AKR1C1: variants seen among roughly 807,000 people sequenced by gnomAD.
The protein encoded by AKR1C1 is aldo-keto reductase family 1 member C1.
AKR1C1 carries 32 observed loss-of-function variants against 40.6 expected under a neutral mutation model. The observed-to-expected ratio is 0.79, with a 90% CI of 0.60 to 1.06. AKR1C1 has a LOEUF of 1.06. Among genes scored for constraint, AKR1C1 ranks in the 50% least tolerant of loss-of-function variants. The pLI, the probability that AKR1C1 is intolerant of heterozygous loss-of-function variation, is 0.00. For missense variants in AKR1C1, 320 were observed against 363.5 expected (o/e 0.88, Z 0.97); for synonymous variants, 105 against 134.2 (o/e 0.78, Z 1.50).
chr10:4,973,687 G>A (rs1331904081), intron 7 of AKR1C1, among the ~76,000 whole-genome samples: 4 of 152,188 alleles, frequency 2.6e-5, no homozygotes, highest in Admixed American at 6.5e-5. Context: ...AACCAAGCAA[G>A]TGGATACAGG....
At position 4,981,270 on chromosome 10, in the gene AKR1C1, G is replaced by C. The variant is rs1328855608; in HGVS notation, c.*3528G>C. ...ATTAAATCTTAAGGACCCTAGGATT[G>C]TTAGAATAGTAAATGAACATCATAT... On this transcript the variant is annotated 3_prime_UTR_variant, in exon 9 of 9. Transcript: ENST00000380872. 4 of 152,212 alleles carry C rather than the reference G, an allele frequency of 2.6e-5. No individual in the cohort carries two copies. The highest frequency in any genetic ancestry group is 9.6e-5 in the African/African-American group (4 of 41,452). 9.4% of individuals were successfully genotyped at this position (152,212 alleles called of 1,614,324 possible). A position where few individuals can be genotyped will look rare whatever the true frequency, so the allele number is the denominator to read the frequency against.
intron 3 of AKR1C1, chr10:4,967,244 G>T: frequency 9.8e-7 from 1 of 1,015,572 alleles, no homozygotes; most frequent in Admixed American, 3.5e-5. Flanking sequence ...TATAAGAAAA[G>T]AAAGTGCAGA....
At chr10:4,966,449 G>C (rs1385068603) in intron 2 of AKR1C1, among the ~76,000 whole-genome samples, 1 of 152,190 alleles carries the variant, frequency 6.6e-6, no homozygotes, top group African/African-American at 2.4e-5. Context: ...ATCATAGAGA[G>C]AGAAAGCAAT....
chr10:4,971,950 C>T (rs1475942497), intron 5 of AKR1C1, among the ~76,000 whole-genome samples: 4 of 148,924 alleles, frequency 2.7e-5, no homozygotes, highest in East Asian at 3.9e-4. Flanking sequence ...GGCCGTGTCT[C>T]GTTCTAGTGG....
intron 7 of AKR1C1, among the ~76,000 whole-genome samples, chr10:4,975,549 G>C (rs1836514120): frequency 6.6e-6 from 1 of 152,070 alleles, no homozygotes; most frequent in Non-Finnish European, 1.5e-5. Flanking sequence ...GGTCTTCTAG[G>C]TACATGACCC....
chr10:4,977,427 T>A (rs1323282014), intron 8 of AKR1C1, among the ~76,000 whole-genome samples: 5 of 152,114 alleles, frequency 3.3e-5, no homozygotes, highest in Non-Finnish European at 5.9e-5. Context: ...TTTGCTCTGT[T>A]GACAGATGTA....
chr10:4,970,420 A>G (rs1420239458), intron 5 of AKR1C1, among the ~76,000 whole-genome samples: 16 of 152,200 alleles, frequency 1.1e-4, no homozygotes, highest in African/African-American at 3.9e-4. Context: ...AAGTTAGATG[A>G]GAGTGTTTTA....
Position 4,968,410 on chromosome 10 carries a change from C to T in AKR1C1, c.447+24C>T, listed in dbSNP as rs574479773. The T allele has an allele frequency of 2.2e-4, 319 of 1,453,960 alleles. 4 individuals carry two copies. In the East Asian group the frequency reaches 6.3e-3, roughly 29 times the overall value. The allele number at this position is 1,453,960 out of a possible 1,614,324, so 90.1% of individuals were successfully genotyped here. A position where few individuals can be genotyped will look rare whatever the true frequency, so the allele number is the denominator to read the frequency against. ...AGGTGAGTGTTTGGAGGTGAGAGAA[C>T]GGATAAGAAAGATGAGGTAGGATAC... On this transcript the variant is annotated intron_variant, in intron 4 of 8. Coordinates refer to ENST00000380872, the MANE Select transcript of AKR1C1 (RefSeq NM_001353.6).
In AKR1C1 at chr10:4,982,504, C is replaced by T. The variant is rs532440452; in HGVS notation, c.*4762C>T. ...CTCCTCTGGAACATTACCCCAGCAG[C>T]CTGAGAACCACCCCTTGGCGCTCAC... On this transcript the variant is annotated 3_prime_UTR_variant, in exon 9 of 9. Coordinates refer to ENST00000380872, the MANE Select transcript of AKR1C1 (RefSeq NM_001353.6). 1 of 160,518 alleles carries T rather than the reference C, an allele frequency of 6.2e-6. No homozygotes were observed. Among genetic ancestry groups the T allele is most frequent in the African/African-American group, 2.4e-5 (1 of 41,650 alleles). The allele number at this position is 160,518 out of a possible 1,614,324, so 9.9% of individuals were successfully genotyped here.
At chr10:4,964,983 G>T (rs959776430) in intron 1 of AKR1C1, among the ~76,000 whole-genome samples, 16 of 152,190 alleles carry the variant, frequency 1.1e-4, no homozygotes, top group Non-Finnish European at 4.4e-5. Context: ...GCAAACTGCG[G>T]AGTTTCTGTG....
intron 7 of AKR1C1, among the ~76,000 whole-genome samples, chr10:4,974,700 A>C (rs2131647371): frequency 6.6e-6 from 1 of 152,108 alleles, no homozygotes; most frequent in South Asian, 2.1e-4. Context: ...ACATAACTTG[A>C]TTTTTTTACC....
Position 4,972,602 on chromosome 10 carries a change from G to A in AKR1C1, c.699G>A (p.Pro233=), listed in dbSNP as rs781938063. ...REEPWVDPNS[P]VLLEDPVLCA... Reference sequence around the variant, plus strand: ...CTTCCAGGGTGGACCCGAACTCCCCGGTGCTCTTGGAGGACCCAGTCCTTT... The same window carrying A: ...CTTCCAGGGTGGACCCGAACTCCCCAGTGCTCTTGGAGGACCCAGTCCTTT... The change falls in exon 7 of 9, where the codon CCG becomes CCA. Residue 233 remains proline (P), a synonymous_variant. Coordinates refer to ENST00000380872, the MANE Select transcript of AKR1C1 (RefSeq NM_001353.6). 7.4e-6 allele frequency: 12 copies of A among 1,613,804 alleles called. No individual in the cohort carries two copies. Among genetic ancestry groups the A allele is most frequent in the African/African-American group, 2.7e-5 (2 of 75,014 alleles).
chr10:4,968,465 T>A, intron 4 of AKR1C1, 79 bp downstream of exon 4: 1 of 1,243,298 alleles, frequency 8.0e-7, no homozygotes, highest in South Asian at 1.5e-5. Flanking sequence ...AGTACAAGTA[T>A]GGAAAATGCA....
At position 4,981,054 on chromosome 10, in the gene AKR1C1, G is replaced by A. The variant is rs190877253; in HGVS notation, c.*3312G>A. 6.6e-6 allele frequency: 1 copy of A among 152,130 alleles called. No individual in the cohort carries two copies. The highest frequency in any genetic ancestry group is 1.5e-5 in the Non-Finnish European group (1 of 68,002). 9.4% of individuals were successfully genotyped at this position (152,130 alleles called of 1,614,324 possible). On this transcript the variant is annotated 3_prime_UTR_variant, in exon 9 of 9. Coordinates refer to ENST00000380872, the MANE Select transcript of AKR1C1 (RefSeq NM_001353.6). ...AGAACAGTAATCTCTTTCAACCTCT[G>A]TAAGAGAGTTCTTGGTTGATTAGGT...
Position 4,981,535 on chromosome 10 carries a change from A to G in AKR1C1, c.*3793A>G, listed in dbSNP as rs555332611. On this transcript the variant is annotated 3_prime_UTR_variant, in exon 9 of 9. Coordinates refer to ENST00000380872, the MANE Select transcript of AKR1C1 (RefSeq NM_001353.6). ...TGGAGATTAGTGTGTAGAGATTTAC[A>G]TTGTGAATTTCTTTTCAAGAACCAA... 1 of 152,346 alleles carries G rather than the reference A, an allele frequency of 6.6e-6. No homozygotes were observed. The highest frequency in any genetic ancestry group is 6.5e-5 in the Admixed American group (1 of 15,306). The allele number at this position is 152,346 out of a possible 1,614,324, so 9.4% of individuals were successfully genotyped here. A position where few individuals can be genotyped will look rare whatever the true frequency, so the allele number is the denominator to read the frequency against.
At chr10:4,966,106 G>A (rs1194456705) in intron 2 of AKR1C1, 25 bp downstream of exon 2, 3 of 1,603,368 alleles carry the variant, frequency 1.9e-6, no homozygotes, top group South Asian at 1.1e-5. Flanking sequence ...ATGAGCTTGT[G>A]TGCACATGTA....
intron 4 of AKR1C1, 79 bp downstream of exon 4, chr10:4,968,465 T>G (rs1836364541): frequency 8.0e-7 from 1 of 1,243,298 alleles, no homozygotes; most frequent in East Asian, 2.5e-5. Context: ...AGTACAAGTA[T>G]GGAAAATGCA....
intron 3 of AKR1C1, chr10:4,967,538 T>C: frequency 1.0e-6 from 1 of 979,082 alleles, no homozygotes; most frequent in Non-Finnish European, 1.2e-6. Flanking sequence ...ACACTGGAGG[T>C]TTTATTTTTG....
intron 5 of AKR1C1, among the ~76,000 whole-genome samples, chr10:4,969,196 G>A (rs1356799095): frequency 3.3e-5 from 5 of 152,258 alleles, no homozygotes; most frequent in African/African-American, 9.6e-5. Flanking sequence ...AGGAGGCCAA[G>A]GATTGTCAAT....
Sources: gnomAD v4.1 joint callset for allele counts (sites outside exome capture counted in the v4.1 genomes callset) on GRCh38, gnomAD v4.1.1 for gene constraint, MANE v1.5 for transcripts, NCBI Gene and HGNC (gene_info 2026-07-23, HGNC 2026-07-21) for gene names.